Variants in SNRPN observed in about 807,000 individuals in gnomAD.
The protein encoded by SNRPN is small nuclear ribonucleoprotein polypeptide N, also known as small nuclear ribonucleoprotein-associated protein N.
SNRPN carries 7 observed loss-of-function variants against 25.2 expected under a neutral mutation model. The observed-to-expected ratio is 0.28, with a 90% CI of 0.16 to 0.52. The LOEUF (loss-of-function observed/expected upper bound fraction) is 0.52, where lower values mean the gene tolerates loss of function less well. SNRPN is among the 20% of genes least tolerant of loss of function. The probability of loss-of-function intolerance (pLI) is 0.96; values close to 1 mark genes in which losing one functional copy is unlikely to be tolerated. For synonymous variants in SNRPN, 124 were observed against 110.6 expected, an observed-to-expected ratio of 1.12 and a Z score of -0.76; for missense variants, 196 against 322.5, an observed-to-expected ratio of 0.61 and a Z score of 3.00.
At chr15:24,878,025 C>T (rs1566858534) in intron 1 of SNRPN, among the ~76,000 whole-genome samples, 1 of 152,124 alleles carries the variant, frequency 6.6e-6, no homozygotes, top group Non-Finnish European at 1.5e-5. Flanking sequence ...TGGACAAACA[C>T]ATAAAATTTG....
At chr15:24,840,382 G>A (rs2051588195) in intron 2 of SNRPN, among the ~76,000 whole-genome samples, 1 of 152,088 alleles carries the variant, frequency 6.6e-6, no homozygotes, top group African/African-American at 2.4e-5. Context: ...AAAATAAAGA[G>A]GGATATTTGG....
chr15:24,948,443 A>G (rs571549358), intron 3 of SNRPN, among the ~76,000 whole-genome samples: 46 of 152,182 alleles, frequency 3.0e-4, no homozygotes, highest in African/African-American at 1.1e-3. Context: ...AATTATTTCA[A>G]AGATAGGAGA....
At chr15:24,912,419 A>G (rs528743454) in intron 2 of SNRPN, 1 of 152,240 alleles carries the variant, frequency 6.6e-6, no homozygotes, top group Admixed American at 6.5e-5. Flanking sequence ...CATCACCTAT[A>G]TCTGATTTAG....
chr15:24,971,131 A>G (rs2076349151), intron 3 of SNRPN, among the ~76,000 whole-genome samples: 1 of 152,096 alleles, frequency 6.6e-6, no homozygotes, highest in African/African-American at 2.4e-5. Context: ...TTACATTTTT[A>G]TGTAGTTTAA....
chr15:24,843,996 C>T (rs2051958606), intron 2 of SNRPN, among the ~76,000 whole-genome samples: 1 of 151,276 alleles, frequency 6.6e-6, no homozygotes, highest in African/African-American at 2.4e-5. Context: ...ACGTATGATT[C>T]ACTTTACAAG....
chr15:24,886,219 G>A (rs1408295362), intron 1 of SNRPN, among the ~76,000 whole-genome samples: 3 of 152,058 alleles, frequency 2.0e-5, no homozygotes, highest in Non-Finnish European at 4.4e-5. Context: ...CATCCCTTAA[G>A]TGATCATCCC....
Position 24,978,657 on chromosome 15 carries a change from T to C in SNRPN, c.*213T>C, listed in dbSNP as rs1396353746. The stretch of plus-strand genomic sequence containing the variant: ...AGTTACTGTGGATGAGGGTGATGCC[T>C]ATTAAGCAGTTGATTCAAATCATAT... On this transcript the variant is annotated 3_prime_UTR_variant, in exon 10 of 10. Transcript: ENST00000390687. The C allele has an allele frequency of 3.4e-6, 2 of 589,680 alleles. No homozygotes were observed. The highest frequency in any genetic ancestry group is 3.7e-5 in the African/African-American group (2 of 53,636). The allele number at this position is 589,680 out of a possible 1,614,324, so 36.5% of individuals were successfully genotyped here.
chr15:24,853,809 A>G (rs751641713), upstream of SNRPN, among the ~76,000 whole-genome samples: 31 of 152,176 alleles, frequency 2.0e-4, no homozygotes, highest in Admixed American at 9.8e-4. Flanking sequence ...ACCTATTTGA[A>G]TTACTTCTTA....
chr15:24,920,946 G>C (rs1220462956), intron 3 of SNRPN, among the ~76,000 whole-genome samples: 2 of 152,166 alleles, frequency 1.3e-5, no homozygotes, highest in Admixed American at 1.3e-4. Flanking sequence ...AGTTACCCAG[G>C]TGTAGTACCC....
intron 3 of SNRPN, among the ~76,000 whole-genome samples, chr15:24,969,055 T>A (rs941817202): frequency 1.3e-5 from 2 of 152,350 alleles, no homozygotes; most frequent in East Asian, 1.9e-4. Context: ...AGCCTTTTTT[T>A]AAGTCTGTTT....
intron 2 of SNRPN, among the ~76,000 whole-genome samples, chr15:24,887,146 C>CTTT (rs759363529): frequency 8.5e-5 from 11 of 128,790 alleles, no homozygotes; most frequent in African/African-American, 2.1e-4. Flanking sequence ...ACACTGAGGT[C>CTTT]TTTTTTTTTT....
intron 1 of SNRPN, among the ~76,000 whole-genome samples, chr15:24,873,662 T>A (rs1468774812): frequency 1.3e-5 from 2 of 152,092 alleles, no homozygotes; most frequent in African/African-American, 4.8e-5. Flanking sequence ...TTAGCCAGGA[T>A]GGTCTCGATC....
intron 2 of SNRPN, among the ~76,000 whole-genome samples, chr15:24,836,137 T>C (rs947425131): frequency 6.6e-6 from 1 of 152,086 alleles, no homozygotes; most frequent in Non-Finnish European, 1.5e-5. Flanking sequence ...CTCTGTGCTC[T>C]CACCTCTTCC....
chr15:24,924,736 A>G (rs2060270280), intron 3 of SNRPN, among the ~76,000 whole-genome samples: 1 of 151,412 alleles, frequency 6.6e-6, no homozygotes, highest in African/African-American at 2.4e-5. Context: ...TGATCCTCCT[A>G]TCTCTGTCTC....
At chr15:24,944,028 A>G (rs2061731021) in intron 3 of SNRPN, among the ~76,000 whole-genome samples, 1 of 151,970 alleles carries the variant, frequency 6.6e-6, no homozygotes, top group Admixed American at 6.6e-5. Context: ...CACCACGTTG[A>G]CTAGGCTGGT....
At chr15:24,895,699 T>C (rs1370918228) in intron 2 of SNRPN, among the ~76,000 whole-genome samples, 2 of 152,066 alleles carry the variant, frequency 1.3e-5, no homozygotes, top group Non-Finnish European at 2.9e-5. Flanking sequence ...ACAAAGGTAC[T>C]CTCTTTGTGT....
intron 1 of SNRPN, among the ~76,000 whole-genome samples, chr15:24,827,445 G>A (rs1303773869): frequency 6.7e-6 from 1 of 150,190 alleles, no homozygotes; most frequent in Non-Finnish European, 1.5e-5. Context: ...GAACCTGGGA[G>A]GCAGAGCTTC....
At chr15:24,827,224 A>G (rs950614998) in intron 1 of SNRPN, among the ~76,000 whole-genome samples, 2 of 152,144 alleles carry the variant, frequency 1.3e-5, no homozygotes, top group East Asian at 3.9e-4. Flanking sequence ...TTTAAGAAAC[A>G]CTGTATGCAG....
At chr15:24,914,916 C>G (rs935598803) in intron 2 of SNRPN, among the ~76,000 whole-genome samples, 1 of 151,826 alleles carries the variant, frequency 6.6e-6, no homozygotes. Context: ...AACCAAGAAG[C>G]AGGGTTGGGG....
Sources: allele counts gnomAD v4.1 joint callset (sites outside exome capture counted in the v4.1 genomes callset), GRCh38; gene constraint gnomAD v4.1.1; transcripts MANE v1.5; gene names NCBI Gene and HGNC (gene_info 2026-07-23, HGNC 2026-07-21).